The following TBC1D4 variants were observed in gnomAD, a reference collection of about 807,000 sequenced individuals.
TBC1D4 encodes TBC1 domain family member 4, also known as TBC (Tre-2, BUB2, CDC16) domain-containing protein.
Under a neutral mutation model 142.5 loss-of-function variants are expected in TBC1D4, and 121 were observed. The ratio of observed to expected loss-of-function variants is 0.85; its 90% confidence interval spans 0.73 to 0.99. TBC1D4 has a LOEUF of 0.99. Among genes scored for constraint, TBC1D4 ranks in the 50% least tolerant of loss-of-function variants. The pLI is 0.00. For missense variants in TBC1D4, 1,475 were observed against 1,606.6 expected, an observed-to-expected ratio of 0.92 and a Z score of 1.40; for synonymous variants, 630 against 628.2, an observed-to-expected ratio of 1.00 and a Z score of -0.04.
chr13:75,312,833 G>A lies in TBC1D4; in HGVS notation c.2288C>T (p.Thr763Ile). ...CSNESLSVGG[T>I]SVTPRRISWR... ...GGAGATCCGGCGAGGAGTGACAGAG[G>A]TTCCTCCCACACTTAGGGACTCATT... The change falls in exon 13 of 21, where the codon ACC becomes ATC. Residue 763 changes from threonine to isoleucine, a missense_variant. Thr to Ile is a moderately conservative substitution (Grantham distance 89). Around this residue, in one of 2 missense-constraint regions of TBC1D4, gnomAD observed 1,227 missense variants for 1,267.7 expected, o/e 0.97. Coordinates refer to ENST00000377636, the MANE Select transcript of TBC1D4 (RefSeq NM_014832.5). 6.2e-7 allele frequency: 1 copy of A among 1,614,194 alleles called. No individual in the cohort carries two copies. The highest frequency in any genetic ancestry group is 8.5e-7 in the Non-Finnish European group (1 of 1,180,032).
At chr13:75,301,403 A>C (rs1593882835) in intron 16 of TBC1D4, among the ~76,000 whole-genome samples, 1 of 152,260 alleles carries the variant, frequency 6.6e-6, no homozygotes, top group Admixed American at 6.5e-5. Flanking sequence ...GCACTCTGGG[A>C]GGCCGAGGCG....
intron 15 of TBC1D4, 154 bp from the exon 16 acceptor site, chr13:75,302,555 G>C: frequency 1.2e-6 from 1 of 862,074 alleles, no homozygotes; most frequent in East Asian, 2.7e-5. Flanking sequence ...AGCATATTTT[G>C]ACAAGCTGAA....
chr13:75,430,949 C>G (rs901645050), intron 1 of TBC1D4, among the ~76,000 whole-genome samples: 1 of 152,102 alleles, frequency 6.6e-6, no homozygotes, highest in African/African-American at 2.4e-5. Context: ...CAGTGAAAGA[C>G]AAGGTGAACC....
At chr13:75,375,590 G>A (rs1883452280) in intron 1 of TBC1D4, 1 of 152,034 alleles carries the variant, frequency 6.6e-6, no homozygotes, top group South Asian at 2.1e-4. Flanking sequence ...TTTCATCATG[G>A]TACTTCATCG....
intron 1 of TBC1D4, among the ~76,000 whole-genome samples, chr13:75,460,738 C>T (rs1409769672): frequency 1.3e-5 from 2 of 151,938 alleles, no homozygotes; most frequent in African/African-American, 2.4e-5. Context: ...CTGGGCAACA[C>T]AGCGAGACCT....
At chr13:75,468,062 C>T (rs1181120670) in intron 1 of TBC1D4, among the ~76,000 whole-genome samples, 1 of 152,146 alleles carries the variant, frequency 6.6e-6, no homozygotes, top group Non-Finnish European at 1.5e-5. Context: ...CTTAGCCCTG[C>T]CCTGCCGATT....
intron 1 of TBC1D4, among the ~76,000 whole-genome samples, chr13:75,444,918 C>T (rs546975444): frequency 1.3e-5 from 2 of 152,032 alleles, no homozygotes; most frequent in Non-Finnish European, 2.9e-5. Context: ...TTACTATGGG[C>T]CAGCCAGTTT....
chr13:75,341,589 T>A lies in TBC1D4; in HGVS notation c.1409-2A>T. On this transcript the variant is annotated splice_acceptor_variant, in intron 5 of 20. Transcript: ENST00000377636. LOFTEE classifies it high-confidence loss of function. ...GCTTGGCTCTTGGTGGGTAGAGACC[T>A]AAGGAAAATGATGAGGGAAGGTATT... The A allele has an allele frequency of 6.2e-7, 1 of 1,612,174 alleles. No homozygotes were observed. The highest frequency in any genetic ancestry group is 8.5e-7 in the Non-Finnish European group (1 of 1,178,336).
intron 1 of TBC1D4, among the ~76,000 whole-genome samples, chr13:75,443,923 T>C (rs1887158392): frequency 6.6e-6 from 1 of 152,018 alleles, no homozygotes; most frequent in Non-Finnish European, 1.5e-5. Context: ...AGGATAACTT[T>C]CATAGTCTTC....
intron 8 of TBC1D4, among the ~76,000 whole-genome samples, chr13:75,328,459 G>C (rs1879459857): frequency 6.6e-6 from 1 of 152,082 alleles, no homozygotes; most frequent in South Asian, 2.1e-4. Flanking sequence ...CTCAGAAAGA[G>C]ATCTAAGAGA....
chr13:75,294,191 G>A (rs925274865), intron 18 of TBC1D4, among the ~76,000 whole-genome samples: 1 of 152,164 alleles, frequency 6.6e-6, no homozygotes, highest in Non-Finnish European at 1.5e-5. Context: ...CTCCAAAGGG[G>A]ACATAAACCA....
intron 14 of TBC1D4, among the ~76,000 whole-genome samples, chr13:75,308,721 A>G (rs1259197121): frequency 1.3e-5 from 2 of 152,098 alleles, no homozygotes; most frequent in Non-Finnish European, 2.9e-5. Context: ...TATGAATTCA[A>G]TTTCTTTTGA....
intron 5 of TBC1D4, among the ~76,000 whole-genome samples, chr13:75,347,585 T>A (rs1475289097): frequency 1.3e-5 from 2 of 152,340 alleles, no homozygotes; most frequent in Admixed American, 6.5e-5. Context: ...TTTAATATTT[T>A]GTTTGTTTAC....
chr13:75,337,845 G>A (rs1471543502), intron 7 of TBC1D4, among the ~76,000 whole-genome samples: 1 of 152,154 alleles, frequency 6.6e-6, no homozygotes, highest in Non-Finnish European at 1.5e-5. Context: ...AAATCCTAAA[G>A]GGTGGATTGC....
chr13:75,310,927 T>C (rs537729929), intron 13 of TBC1D4, among the ~76,000 whole-genome samples: 28 of 152,286 alleles, frequency 1.8e-4, no homozygotes, highest in African/African-American at 6.3e-4. Context: ...CCTGTGTTAA[T>C]TCTTAGGATA....
At chr13:75,447,755 G>C (rs573220668) in intron 1 of TBC1D4, among the ~76,000 whole-genome samples, 2 of 152,156 alleles carry the variant, frequency 1.3e-5, no homozygotes, top group Admixed American at 6.6e-5. Flanking sequence ...CCTCCTGTCA[G>C]ATCAGCAGCA....
intron 12 of TBC1D4, among the ~76,000 whole-genome samples, chr13:75,313,530 T>C (rs1207657642): frequency 6.6e-6 from 1 of 152,166 alleles, no homozygotes; most frequent in Non-Finnish European, 1.5e-5. Flanking sequence ...TTTATTGACA[T>C]TTATTTTGTG....
In TBC1D4 at chr13:75,362,044, G is replaced by C; in HGVS notation, c.1062C>G (p.Asn354Lys). 2 of 1,614,180 alleles carry C rather than the reference G, an allele frequency of 1.2e-6. No homozygotes were observed. Among genetic ancestry groups the C allele is most frequent in the Non-Finnish European group, 1.7e-6 (2 of 1,180,040 alleles). The part of the protein sequence containing the change: ...SHVQPSDSEK[N>K]RTMLFQVGRF... The stretch of plus-strand genomic sequence containing the variant: ...GGTGTACCTGGAAGAGCATGGTCCT[G>C]TTCTTCTCCGAGTCCGAGGGCTGGA... Residue 354 changes from asparagine to lysine, a missense_variant, in exon 2 of 21, where the codon AAC (asparagine) becomes AAG (lysine). Asn to Lys is a moderately conservative substitution (Grantham distance 94, BLOSUM62 0). Transcript: ENST00000377636. This position sits in a 1 kb window ranked among gnomAD's most constrained non-coding sequence, Gnocchi z 4.2.
At chr13:75,293,624 G>C (rs1231410125) in intron 18 of TBC1D4, among the ~76,000 whole-genome samples, 1 of 152,186 alleles carries the variant, frequency 6.6e-6, no homozygotes, top group Admixed American at 6.5e-5. Context: ...AAAAGCAATA[G>C]TGTATATTCA....
Sources: gnomAD v4.1 joint callset for allele counts (sites outside exome capture counted in the v4.1 genomes callset) on GRCh38, gnomAD v4.1.1 for gene constraint, gnomAD v4.1.1 regional missense constraint, Gnocchi (gnomAD v3.1) non-coding constraint, MANE v1.5 for transcripts, NCBI Gene and HGNC (gene_info 2026-07-23, HGNC 2026-07-21) for gene names.